The following LRRTM4 variants were observed in gnomAD, a reference collection of about 807,000 sequenced individuals.
The protein encoded by LRRTM4 is leucine rich repeat transmembrane neuronal 4.
In LRRTM4, 25 loss-of-function variants were observed where a neutral mutation model predicts 47.6. The ratio of observed to expected loss-of-function variants is 0.53; its 90% CI spans 0.38 to 0.73. The LOEUF is 0.73. LRRTM4 is among the 30% of genes least tolerant of loss of function. The pLI, the probability that LRRTM4 is intolerant of heterozygous loss-of-function variation, is 0.00. For missense variants in LRRTM4, 638 were observed against 713.4 expected, an observed-to-expected ratio of 0.89 and a Z score of 1.20; for synonymous variants, 311 against 269.5, an observed-to-expected ratio of 1.15 and a Z score of -1.51.
chr2:77,014,696 C>G (rs1677996376), intron 3 of LRRTM4, among the ~76,000 whole-genome samples: 1 of 151,844 alleles, frequency 6.6e-6, no homozygotes, highest in Non-Finnish European at 1.5e-5. Context: ...CCTGTAATCC[C>G]AGCTACCTGG....
At chr2:77,274,105 G>T (rs1186212227) in intron 3 of LRRTM4, among the ~76,000 whole-genome samples, 1 of 151,878 alleles carries the variant, frequency 6.6e-6, no homozygotes, top group East Asian at 1.9e-4. Flanking sequence ...CTCACACTCT[G>T]TTATGTATTG....
chr2:76,869,975 C>G (rs368060568), intron 3 of LRRTM4, among the ~76,000 whole-genome samples: 3 of 152,050 alleles, frequency 2.0e-5, no homozygotes, highest in Admixed American at 6.6e-5. Context: ...TGAGACACTA[C>G]AACATAAACA....
chr2:77,358,896 C>A (rs935766925), intron 3 of LRRTM4, among the ~76,000 whole-genome samples: 1 of 152,132 alleles, frequency 6.6e-6, no homozygotes, highest in African/African-American at 2.4e-5. Context: ...AACACATACT[C>A]TTTTATTTAA....
intron 3 of LRRTM4, among the ~76,000 whole-genome samples, chr2:77,232,918 T>C (rs1439108299): frequency 6.6e-6 from 1 of 152,224 alleles, no homozygotes; most frequent in African/African-American, 2.4e-5. Context: ...ATCAGATGAA[T>C]TTGTTAAATA....
chr2:76,941,754 A>C (rs10427169), intron 3 of LRRTM4, among the ~76,000 whole-genome samples: 340 of 152,278 alleles, frequency 2.2e-3, no homozygotes, highest in Admixed American at 9.8e-3. Flanking sequence ...GCTATTGTGA[A>C]TAATGCTGCA....
chr2:77,081,632 T>C (rs1434934929), intron 3 of LRRTM4, among the ~76,000 whole-genome samples: 1 of 152,184 alleles, frequency 6.6e-6, no homozygotes, highest in Non-Finnish European at 1.5e-5. Context: ...ATGGCAAGTA[T>C]ATTGTCAAGT....
At chr2:76,785,545 G>A (rs55872486) in intron 3 of LRRTM4, among the ~76,000 whole-genome samples, 61,979 of 151,852 alleles carry the variant, frequency 0.41, 14,156 homozygotes, top group Non-Finnish European at 0.52. Context: ...AATTTAACTT[G>A]GAAGGTGTTT....
At chr2:77,178,124 T>G (rs1028370554) in intron 3 of LRRTM4, among the ~76,000 whole-genome samples, 12 of 152,284 alleles carry the variant, frequency 7.9e-5, no homozygotes, top group African/African-American at 2.9e-4. Context: ...TAGACTATAT[T>G]GTAATGAATA....
At chr2:76,775,177 C>A (rs189782179) in intron 3 of LRRTM4, among the ~76,000 whole-genome samples, 1 of 152,248 alleles carries the variant, frequency 6.6e-6, no homozygotes, top group East Asian at 1.9e-4. Context: ...TTCCAGCAGG[C>A]ATTTATTGTT....
chr2:77,238,201 C>T (rs1313427584), intron 3 of LRRTM4, among the ~76,000 whole-genome samples: 4 of 152,082 alleles, frequency 2.6e-5, no homozygotes, highest in Non-Finnish European at 5.9e-5. Flanking sequence ...ATCTGCTTCA[C>T]TGTAACAATT....
At chr2:77,101,887 C>G (rs1156949168) in intron 3 of LRRTM4, among the ~76,000 whole-genome samples, 2 of 151,474 alleles carry the variant, frequency 1.3e-5, no homozygotes, top group Non-Finnish European at 2.9e-5. Context: ...CCCAGTTTTT[C>G]GTAAGCCTGT....
intron 3 of LRRTM4, among the ~76,000 whole-genome samples, chr2:76,835,825 C>A (rs544949301): frequency 1.3e-5 from 2 of 152,160 alleles, no homozygotes; most frequent in Admixed American, 6.6e-5. Context: ...ATAAGTTTCA[C>A]TGAGACCTAT....
chr2:77,271,263 C>G (rs1047649119), intron 3 of LRRTM4, among the ~76,000 whole-genome samples: 2 of 152,170 alleles, frequency 1.3e-5, no homozygotes, highest in Non-Finnish European at 2.9e-5. Flanking sequence ...TCCTCACTGG[C>G]AGAGGGCAGC....
chr2:76,947,832 G>A (rs1193382171), intron 3 of LRRTM4, among the ~76,000 whole-genome samples: 1 of 151,788 alleles, frequency 6.6e-6, no homozygotes, highest in East Asian at 2.0e-4. Context: ...TGTTTTGAGG[G>A]AATAGGCACA....
chr2:77,348,785 A>T (rs1671657984), intron 3 of LRRTM4, among the ~76,000 whole-genome samples: 1 of 83,812 alleles, frequency 1.2e-5, no homozygotes, highest in Non-Finnish European at 2.9e-5. Flanking sequence ...GAAAACATTA[A>T]TACAAAATAT....
At chr2:77,306,904 T>A (rs990545542) in intron 3 of LRRTM4, among the ~76,000 whole-genome samples, 5 of 137,872 alleles carry the variant, frequency 3.6e-5, no homozygotes, top group African/African-American at 1.6e-4. Context: ...CATATTTTTT[T>A]TTTTTTTTTT....
chr2:77,495,672 T>C (rs1050365695), intron 3 of LRRTM4, among the ~76,000 whole-genome samples: 13 of 152,026 alleles, frequency 8.6e-5, no homozygotes, highest in Admixed American at 7.2e-4. Context: ...TTTGCACTTT[T>C]GTCAAAGATC....
intron 3 of LRRTM4, among the ~76,000 whole-genome samples, chr2:77,318,759 C>T (rs960306002): frequency 6.6e-6 from 1 of 152,096 alleles, no homozygotes; most frequent in Non-Finnish European, 1.5e-5. Flanking sequence ...TTTCCATCAA[C>T]GGACTCTCAT....
intron 3 of LRRTM4, among the ~76,000 whole-genome samples, chr2:77,494,908 T>C (rs745317367): frequency 2.0e-5 from 3 of 152,094 alleles, no homozygotes; most frequent in Non-Finnish European, 4.4e-5. Flanking sequence ...CAGAAAATAC[T>C]CTGTTTTGAT....
Sources: gnomAD v4.1 joint callset for allele counts (sites outside exome capture counted in the v4.1 genomes callset) on GRCh38, gnomAD v4.1.1 for gene constraint, MANE v1.5 for transcripts, NCBI Gene and HGNC (gene_info 2026-07-23, HGNC 2026-07-21) for gene names.